The following TMTC2 variants were observed in gnomAD, a reference collection of about 807,000 sequenced individuals.
The protein encoded by TMTC2 is transmembrane O-mannosyltransferase targeting cadherins 2, also known as protein O-mannosyl-transferase TMTC2.
TMTC2 carries 43 observed loss-of-function variants against 82.4 expected under a neutral mutation model. The observed-to-expected ratio is 0.52, with a 90% CI of 0.41 to 0.67. TMTC2 has a LOEUF of 0.67. Among genes scored for constraint, TMTC2 ranks in the 30% least tolerant of loss-of-function variants. The pLI is 0.00. For missense variants in TMTC2, 919 were observed against 1,012.4 expected, an observed-to-expected ratio of 0.91 and a Z score of 1.25; for synonymous variants, 408 against 381.9, an observed-to-expected ratio of 1.07 and a Z score of -0.80.
intron 1 of TMTC2, among the ~76,000 whole-genome samples, chr12:82,839,266 T>G (rs6539695): frequency 0.26 from 39,822 of 152,124 alleles, 11,625 homozygotes; most frequent in African/African-American, 0.73. Context: ...TAACATTTGG[T>G]CATCCTATTC....
intron 1 of TMTC2, chr12:82,760,831 C>G (rs1876587216): frequency 2.4e-6 from 1 of 412,938 alleles, no homozygotes; most frequent in Admixed American, 2.6e-5. Flanking sequence ...TTATGAAAAT[C>G]TAATGCCTGA....
At chr12:82,739,441 A>T (rs192328968) in intron 1 of TMTC2, among the ~76,000 whole-genome samples, 4 of 152,058 alleles carry the variant, frequency 2.6e-5, no homozygotes, top group African/African-American at 9.7e-5. Context: ...TGAAATGCCA[A>T]TATGATGGCT....
intron 1 of TMTC2, among the ~76,000 whole-genome samples, chr12:82,689,205 CTT>C (rs1335851636): frequency 1.3e-5 from 2 of 152,160 alleles, no homozygotes; most frequent in Non-Finnish European, 2.9e-5. Flanking sequence ...AGATGGGTGA[CTT>C]TTCACTAAAA....
intron 11 of TMTC2, among the ~76,000 whole-genome samples, chr12:83,075,983 C>T (rs1883273405): frequency 6.6e-6 from 1 of 152,162 alleles, no homozygotes; most frequent in South Asian, 2.1e-4. Flanking sequence ...TACTGCTTTT[C>T]TTCTCTTTCT....
At chr12:82,908,500 G>A (rs187577646) in intron 3 of TMTC2, among the ~76,000 whole-genome samples, 1 of 152,078 alleles carries the variant, frequency 6.6e-6, no homozygotes, top group African/African-American at 2.4e-5. Flanking sequence ...ATTTTCTAAT[G>A]TTGAACCTGT....
intron 1 of TMTC2, among the ~76,000 whole-genome samples, chr12:82,752,422 G>A (rs886609445): frequency 6.6e-6 from 1 of 152,020 alleles, no homozygotes; most frequent in African/African-American, 2.4e-5. Context: ...GGAGGCAGAG[G>A]TTGCAGTGAG....
chr12:82,881,870 A>C (rs1207037992), intron 2 of TMTC2, among the ~76,000 whole-genome samples: 1 of 152,202 alleles, frequency 6.6e-6, no homozygotes, highest in Non-Finnish European at 1.5e-5. Flanking sequence ...ACTTTTCAAG[A>C]AGATATTAAC....
intron 1 of TMTC2, among the ~76,000 whole-genome samples, chr12:82,754,453 G>A (rs952472978): frequency 6.6e-6 from 1 of 152,112 alleles, no homozygotes; most frequent in Non-Finnish European, 1.5e-5. Context: ...AAGTACTTCA[G>A]GCCGGGTGTG....
Position 82,687,628 on chromosome 12 carries a change from G to GT in TMTC2, c.43dup (p.Tyr15LeufsTer12). 1 of 1,604,976 alleles carries GT rather than the reference G, an allele frequency of 6.2e-7. No individual in the cohort carries two copies. The highest frequency in any genetic ancestry group is 1.1e-5 in the South Asian group (1 of 88,470). On this transcript the variant is annotated frameshift_variant, in exon 1 of 12. Coordinates refer to ENST00000321196, the MANE Select transcript of TMTC2 (RefSeq NM_152588.3). LOFTEE classifies it high-confidence loss of function. ...TGAGCAGCGCTCTGGGGCTCGCCTT[G>GT]TATCTCAACACCCTGAGTGCGGATT... is the stretch of plus-strand genomic sequence containing the variant.
At chr12:82,866,600 G>A (rs763786950) in intron 2 of TMTC2, among the ~76,000 whole-genome samples, 1 of 152,092 alleles carries the variant, frequency 6.6e-6, no homozygotes, top group African/African-American at 2.4e-5. Context: ...CTCAATTTTC[G>A]ATACCTGCTG....
intron 1 of TMTC2, among the ~76,000 whole-genome samples, chr12:82,761,483 C>T (rs1000395011): frequency 4.6e-5 from 7 of 152,132 alleles, no homozygotes; most frequent in African/African-American, 1.2e-4. Flanking sequence ...CAGATTCAAG[C>T]GAGTATTCGC....
chr12:82,953,556 A>C (rs1204057918), intron 4 of TMTC2, among the ~76,000 whole-genome samples: 1 of 152,116 alleles, frequency 6.6e-6, no homozygotes, highest in Admixed American at 6.6e-5. Context: ...TTAAAGATTT[A>C]TTTTTCCAAG....
intron 1 of TMTC2, among the ~76,000 whole-genome samples, chr12:82,723,869 T>C (rs1381185060): frequency 6.6e-6 from 1 of 152,128 alleles, no homozygotes; most frequent in Admixed American, 6.5e-5. Context: ...GTGAGCAGAG[T>C]ATTGGCTTTC....
chr12:82,995,139 A>G (rs923021314), intron 8 of TMTC2, among the ~76,000 whole-genome samples: 6 of 152,210 alleles, frequency 3.9e-5, no homozygotes, highest in African/African-American at 1.4e-4. Flanking sequence ...ATTTTTTTCT[A>G]ATAATATATC....
intron 9 of TMTC2, among the ~76,000 whole-genome samples, chr12:83,049,577 GGTTAATTCCAC>G (rs1347643892): frequency 3.9e-5 from 6 of 152,170 alleles, no homozygotes; most frequent in Non-Finnish European, 8.8e-5. Context: ...TGAGCATTTA[GGTTAATTCCAC>G]GTCTTTGCTA....
intron 4 of TMTC2, among the ~76,000 whole-genome samples, chr12:82,946,991 C>T (rs1379827643): frequency 1.3e-5 from 2 of 152,040 alleles, no homozygotes; most frequent in Non-Finnish European, 2.9e-5. Flanking sequence ...ATCTGCCCTC[C>T]TCGGCCTCCC....
rs1444744307 is a variant in TMTC2, at chr12:82,896,489, T to C, written c.1326T>C (p.Leu442=). 1 of 1,614,204 alleles carries C rather than the reference T, an allele frequency of 6.2e-7. No homozygotes were observed. The highest frequency in any genetic ancestry group is 2.2e-5 in the East Asian group (1 of 44,874). The change falls in exon 3 of 12, where the codon CTT becomes CTC. Residue 442 remains leucine (L), a synonymous_variant. Coordinates refer to ENST00000321196, the MANE Select transcript of TMTC2 (RefSeq NM_152588.3). The part of the protein sequence containing the change: ...CLLITVGARA[L]YVKVQKRFLK... The stretch of plus-strand genomic sequence containing the variant: ...TGATTACAGTGGGTGCTAGAGCCCT[T>C]TATGTCAAAGTCCAAAAGCGGTTCC...
intron 7 of TMTC2, among the ~76,000 whole-genome samples, chr12:82,973,678 A>T (rs533906157): frequency 2.0e-5 from 3 of 152,368 alleles, no homozygotes; most frequent in Admixed American, 2.0e-4. Context: ...TACAAAGGCT[A>T]GCATCCAGTT....
chr12:82,739,451 T>C (rs1875289137), intron 1 of TMTC2, among the ~76,000 whole-genome samples: 1 of 152,068 alleles, frequency 6.6e-6, no homozygotes, highest in Admixed American at 6.5e-5. Flanking sequence ...ATATGATGGC[T>C]GTACCTAGAT....
Sources: allele counts gnomAD v4.1 joint callset (sites outside exome capture counted in the v4.1 genomes callset), GRCh38; gene constraint gnomAD v4.1.1; transcripts MANE v1.5; gene names NCBI Gene and HGNC (gene_info 2026-07-23, HGNC 2026-07-21).